Variants in SHOX observed in about 807,000 individuals in gnomAD.
The protein encoded by SHOX is SHOX homeobox.
Under a neutral mutation model 29.6 loss-of-function variants are expected in SHOX, and 12 were observed. That is an observed-to-expected ratio of 0.41 (90% confidence interval 0.26 to 0.66). The LOEUF (loss-of-function observed/expected upper bound fraction) is 0.66, where lower values mean the gene tolerates loss of function less well. SHOX is among the 30% of genes least tolerant of loss of function. The pLI, the probability that SHOX is intolerant of heterozygous loss-of-function variation, is 0.35. For missense variants in SHOX, 499 were observed against 437.7 expected, an observed-to-expected ratio of 1.14 and a Z score of -1.25; for synonymous variants, 214 against 200.6, an observed-to-expected ratio of 1.07 and a Z score of -0.57.
At position 651,402 on chromosome X, in the gene SHOX, C is replaced by A. The variant is rs780402062; in HGVS notation, c.*6766C>A. The A allele has an allele frequency of 4.7e-6, 2 of 429,386 alleles. No homozygotes were observed. Among genetic ancestry groups the A allele is most frequent in the South Asian group, 1.6e-5 (1 of 62,670 alleles). 26.6% of individuals were successfully genotyped at this position (429,386 alleles called of 1,614,324 possible). A position where few individuals can be genotyped will look rare whatever the true frequency, so the allele number is the denominator to read the frequency against. ...CGGTGAGGGGTAGAAAAAAAACAAACAAACAAACAGAAAAAAAAACCAAAA... is the reference window on the plus strand; with the variant it reads ...CGGTGAGGGGTAGAAAAAAAACAAAAAAACAAACAGAAAAAAAAACCAAAA... On this transcript the variant is annotated 3_prime_UTR_variant, in exon 5 of 5. Coordinates refer to ENST00000686671, the MANE Select transcript of SHOX (RefSeq NM_000451.4).
intron 4 of SHOX, among the ~76,000 whole-genome samples, chrX:642,594 G>T (rs2052875077): frequency 6.6e-6 from 1 of 152,210 alleles, no homozygotes; most frequent in Non-Finnish European, 1.5e-5. Flanking sequence ...GCCTTGAGGT[G>T]GGGGAACGAG....
chrX:656,533 C>A (rs1447808750), downstream of SHOX, among the ~76,000 whole-genome samples: 1 of 152,116 alleles, frequency 6.6e-6, no homozygotes, highest in African/African-American at 2.4e-5. Context: ...AAAGTGAGAT[C>A]TTGTTTCTCC....
At chrX:654,737 T>C (rs1001548010), downstream of SHOX, among the ~76,000 whole-genome samples, 45 of 152,210 alleles carry the variant, frequency 3.0e-4, no homozygotes, top group African/African-American at 9.6e-4. Context: ...CAGGCTGGAG[T>C]GCAGTGGCGT....
In SHOX at chrX:637,318, T is replaced by G. The variant is rs1229198868; in HGVS notation, c.486+2492T>G. 2.6e-5 allele frequency among the ~76,000 whole-genome samples: 4 copies of G among 152,116 alleles called. No individual in the cohort carries two copies. In the East Asian group the frequency reaches 7.7e-4, roughly 29 times the overall value. ...AGTTTATGTGTCATCTCCTGGTGTC[T>G]GTGTGCCTGGGATCTGCAATATATC... is the stretch of plus-strand genomic sequence containing the variant. On this transcript the variant is annotated intron_variant, in intron 2 of 4. Coordinates refer to ENST00000686671, the MANE Select transcript of SHOX (RefSeq NM_000451.4).
rs1043392086 is a variant in SHOX at position 645,266 on chromosome X, G to T, written c.*630G>T. The T allele has an allele frequency of 6.6e-6, 1 of 152,146 alleles. No homozygotes were observed. Among genetic ancestry groups the T allele is most frequent in the Admixed American group, 6.6e-5 (1 of 15,256 alleles). The allele number at this position is 152,146 out of a possible 1,614,324, so 9.4% of individuals were successfully genotyped here. ...GTGAACCGCGGGCTTTGGAAAGGGA[G>T]GGGAGGGAGACCCGAACCTCCCACG... On this transcript the variant is annotated 3_prime_UTR_variant, in exon 5 of 5. Transcript: ENST00000686671.
chrX:638,276 C>G (rs1045381843), intron 2 of SHOX, among the ~76,000 whole-genome samples: 3 of 151,770 alleles, frequency 2.0e-5, no homozygotes, highest in African/African-American at 7.3e-5. Flanking sequence ...TTCCTCTCGC[C>G]GTGTTGAAGG....
chrX:633,696 C>T (rs2052688321), intron 1 of SHOX, among the ~76,000 whole-genome samples: 1 of 152,044 alleles, frequency 6.6e-6, no homozygotes, highest in Admixed American at 6.6e-5. Flanking sequence ...CTCATTAGGG[C>T]ATCGCGTGCT....
chrX:652,090 C>A (rs1344907168), downstream of SHOX, among the ~76,000 whole-genome samples: 3 of 152,000 alleles, frequency 2.0e-5, no homozygotes, highest in East Asian at 5.8e-4. Context: ...GCGCCCGGCT[C>A]ATTTTTGTAT....
At chrX:658,914 A>G (rs769976595) in exon 6 of SHOX, 66 of 273,118 alleles carry the variant, frequency 2.4e-4, no homozygotes, top group African/African-American at 7.2e-4. Context: ...ACAGGTGCCC[A>G]CCACCATGTC....
rs1195544541 is a variant in SHOX, at chrX:645,388, GTA to G, written c.*754_*755del. Reference sequence around the variant, plus strand: ...TTGGGTCTGGTTTTGTTTTGGATTGGTATTTTTTTTTTTTTTTTTTTTTTTTT... The same window carrying G: ...TTGGGTCTGGTTTTGTTTTGGATTGGTTTTTTTTTTTTTTTTTTTTTTTTT... On this transcript the variant is annotated 3_prime_UTR_variant, in exon 5 of 5. Coordinates refer to ENST00000686671, the MANE Select transcript of SHOX (RefSeq NM_000451.4). 1.4e-3 allele frequency: 107 copies of G among 77,736 alleles called. 6 individuals are homozygous for G. Among genetic ancestry groups the G allele is most frequent in the African/African-American group, 3.0e-3 (73 of 24,354 alleles). 4.8% of individuals were successfully genotyped at this position (77,736 alleles called of 1,614,324 possible).
chrX:640,557 C>T (rs1462772858), intron 2 of SHOX, among the ~76,000 whole-genome samples: 4 of 152,126 alleles, frequency 2.6e-5, no homozygotes, highest in Admixed American at 1.3e-4. Flanking sequence ...GCCTGGGCGA[C>T]AGAGCGAGAC....
Position 645,402 on chromosome X carries a change from T to A in SHOX, c.*766T>A, listed in dbSNP as rs1255227254. 1.7e-5 allele frequency: 1 copy of A among 58,528 alleles called. No individual in the cohort carries two copies. The highest frequency in any genetic ancestry group is 6.5e-5 in the African/African-American group (1 of 15,380). The allele number at this position is 58,528 out of a possible 1,614,324, so 3.6% of individuals were successfully genotyped here. The stretch of plus-strand genomic sequence containing the variant: ...GTTTTGGATTGGTATTTTTTTTTTT[T>A]TTTTTTTTTTTTTTTTTTTTTGCTG... On this transcript the variant is annotated 3_prime_UTR_variant, in exon 5 of 5. Transcript: ENST00000686671.
At chrX:657,975 C>CTGG (rs914809656) in intron 5 of SHOX, among the ~76,000 whole-genome samples, 14 of 151,862 alleles carry the variant, frequency 9.2e-5, no homozygotes, top group African/African-American at 3.4e-4. Flanking sequence ...GGTGGTCTCT[C>CTGG]TCTCTCTCTC....
downstream of SHOX, among the ~76,000 whole-genome samples, chrX:655,598 CTCTCTCTCTCTCTCTCTATATATA>C (rs1195966191): frequency 4.4e-4 from 29 of 65,360 alleles, no homozygotes; most frequent in East Asian, 1.0e-3. Flanking sequence ...CTCTCTCTCT[CTCTCTCTCTCTCTCTCTATATATA>C]TATATATATA....
chrX:631,906 A>G (rs1199345036), intron 1 of SHOX: 1 of 456,086 alleles, frequency 2.2e-6, no homozygotes, highest in Non-Finnish European at 4.4e-6. Flanking sequence ...CCAGACGCAC[A>G]GAGGAGCCGT....
chrX:647,181 A>G lies in SHOX; in HGVS notation c.*2545A>G, dbSNP rs929396769. ...AACCTCCGCCTCCCGGGTTCAAGCC[A>G]TTCTCCTGCCTCAGCCTCCCGAGTA... On this transcript the variant is annotated 3_prime_UTR_variant, in exon 5 of 5. Transcript: ENST00000686671. Among the ~76,000 whole-genome samples the G allele has an allele frequency of 6.6e-6, 1 of 152,224 alleles. No individual in the cohort carries two copies. The highest frequency in any genetic ancestry group is 2.4e-5 in the African/African-American group (1 of 41,456).
At chrX:627,396 C>T (rs150081410), upstream of SHOX, among the ~76,000 whole-genome samples, 6 of 152,232 alleles carry the variant, frequency 3.9e-5, no homozygotes, top group East Asian at 1.2e-3. Flanking sequence ...AACGTAAAAG[C>T]TCTGGTCAGA....
chrX:630,971 G>A lies in SHOX; in HGVS notation c.74G>A (p.Gly25Asp). The change falls in exon 1 of 5, where the codon GGC becomes GAC. Residue 25 changes from glycine to aspartate, a missense_variant. Gly to Asp is a moderately conservative substitution (Grantham distance 94). Coordinates refer to ENST00000686671, the MANE Select transcript of SHOX (RefSeq NM_000451.4). The part of the protein sequence containing the change: ...KSKDGNGGGG[G>D]GGGKKDSITY... ...AAGGACGGTAACGGCGGAGGCGGAG[G>A]CGGCGGAGGTAAGAAGGATTCCATT... 5 of 1,613,876 alleles carry A rather than the reference G, an allele frequency of 3.1e-6. No homozygotes were observed. Among genetic ancestry groups the A allele is most frequent in the Middle Eastern group, 1.7e-4 (1 of 6,054 alleles).
intron 1 of SHOX, 126 bp downstream of exon 1, chrX:631,300 C>A: frequency 1.6e-6 from 2 of 1,253,860 alleles, no homozygotes; most frequent in Non-Finnish European, 2.3e-6. Context: ...AGGGTAAGGC[C>A]CGGGCCGTCA....
Sources: allele counts gnomAD v4.1 joint callset (sites outside exome capture counted in the v4.1 genomes callset), GRCh38; gene constraint gnomAD v4.1.1; transcripts MANE v1.5; gene names NCBI Gene and HGNC (gene_info 2026-07-23, HGNC 2026-07-21).